FER: variants seen among roughly 807,000 people sequenced by gnomAD.
The protein encoded by FER is FER tyrosine kinase.
In FER, 63 loss-of-function variants were observed where a neutral mutation model predicts 111.0. The observed-to-expected ratio is 0.57, with a 90% CI of 0.46 to 0.70. The LOEUF (loss-of-function observed/expected upper bound fraction) is 0.70, where lower values mean the gene tolerates loss of function less well. FER is among the 30% of genes least tolerant of loss of function. The pLI, the probability that FER is intolerant of heterozygous loss-of-function variation, is 0.00. For synonymous variants in FER, 327 were observed against 313.9 expected, an observed-to-expected ratio of 1.04 and a Z score of -0.44; for missense variants, 914 against 954.0, an observed-to-expected ratio of 0.96 and a Z score of 0.55.
intron 17 of FER, among the ~76,000 whole-genome samples, chr5:109,154,539 GA>G (rs1339978968): frequency 6.6e-6 from 1 of 151,756 alleles, no homozygotes; most frequent in Admixed American, 6.6e-5. Context: ...AATACAGGAA[GA>G]AAAAACTCAC....
At chr5:108,933,186 GGT>G (rs1754943939) in intron 10 of FER, among the ~76,000 whole-genome samples, 1 of 152,010 alleles carries the variant, frequency 6.6e-6, no homozygotes, top group African/African-American at 2.4e-5. Context: ...TGTCCTGAAT[GGT>G]ATTGCCTAGG....
At position 108,925,703 on chromosome 5, in the gene FER, A is replaced by C. The variant is rs534031883; in HGVS notation, c.1237-20427A>C. On this transcript the variant is annotated intron_variant, in intron 10 of 19. Coordinates refer to ENST00000281092, the MANE Select transcript of FER (RefSeq NM_005246.4). ...TTTATTTTGAAGATAGTTGAAATAC[A>C]TACACGATTCTTGCTTTAATATTAC... Among the ~76,000 whole-genome samples the C allele has an allele frequency of 2.6e-5, 4 of 152,234 alleles. No homozygotes were observed. The Middle Eastern group carries it at 0.014, about 521-fold the overall frequency.
At chr5:109,010,652 C>A (rs1018345257) in intron 13 of FER, among the ~76,000 whole-genome samples, 1 of 152,092 alleles carries the variant, frequency 6.6e-6, no homozygotes, top group Non-Finnish European at 1.5e-5. Flanking sequence ...GGATTTATAT[C>A]TTGATCCCCG....
At chr5:108,931,050 T>G (rs1219972051) in intron 10 of FER, among the ~76,000 whole-genome samples, 1 of 152,198 alleles carries the variant, frequency 6.6e-6, no homozygotes, top group Non-Finnish European at 1.5e-5. Context: ...ATTATTATCT[T>G]TGGAAAAGTT....
chr5:109,012,018 C>A (rs1766339812), intron 13 of FER, among the ~76,000 whole-genome samples: 1 of 152,204 alleles, frequency 6.6e-6, no homozygotes. Context: ...GAGCCTACTT[C>A]TCTACTGTGC....
chr5:109,121,026 T>C (rs1010970403), intron 17 of FER, among the ~76,000 whole-genome samples: 10 of 151,998 alleles, frequency 6.6e-5, no homozygotes, highest in African/African-American at 2.4e-4. Flanking sequence ...AATATAAGAG[T>C]ATATCATCTT....
chr5:108,965,018 C>A (rs1379187892), intron 13 of FER, among the ~76,000 whole-genome samples: 1 of 151,806 alleles, frequency 6.6e-6, no homozygotes, highest in Non-Finnish European at 1.5e-5. Context: ...AATTAAATAT[C>A]AAATTGGATT....
intron 11 of FER, among the ~76,000 whole-genome samples, chr5:108,948,599 C>G (rs1220944304): frequency 6.6e-6 from 1 of 152,032 alleles, no homozygotes; most frequent in Non-Finnish European, 1.5e-5. Context: ...GTATTAATTA[C>G]ATATTTTAAA....
intron 17 of FER, among the ~76,000 whole-genome samples, chr5:109,129,926 A>G (rs1301239247): frequency 6.6e-6 from 1 of 152,034 alleles, no homozygotes; most frequent in Non-Finnish European, 1.5e-5. Flanking sequence ...ATGAGATCCT[A>G]CTTTTACTAT....
intron 17 of FER, among the ~76,000 whole-genome samples, chr5:109,105,230 TTG>T (rs72106747): frequency 0.33 from 45,667 of 137,944 alleles, 7,546 homozygotes; most frequent in East Asian, 0.52. Flanking sequence ...CAGCTTATAT[TTG>T]TGTGTGTGTG....
chr5:108,922,698 A>ATT (rs1753184667), intron 10 of FER, among the ~76,000 whole-genome samples: 11 of 152,238 alleles, frequency 7.2e-5, no homozygotes, highest in Admixed American at 7.2e-4. Context: ...ATATAAACTT[A>ATT]TTCTGGTATA....
intron 8 of FER, among the ~76,000 whole-genome samples, chr5:108,876,139 G>T (rs1328377942): frequency 6.6e-6 from 1 of 152,110 alleles, no homozygotes; most frequent in East Asian, 1.9e-4. Context: ...AGCCCATGAG[G>T]CAAATCCAGC....
chr5:109,003,848 C>T (rs765710094), intron 13 of FER, among the ~76,000 whole-genome samples: 10 of 151,936 alleles, frequency 6.6e-5, no homozygotes, highest in Non-Finnish European at 1.3e-4. Flanking sequence ...GGCATGGTGG[C>T]GCACACCTGT....
intron 17 of FER, among the ~76,000 whole-genome samples, chr5:109,169,140 G>A (rs1265959666): frequency 6.6e-6 from 1 of 152,088 alleles, no homozygotes; most frequent in African/African-American, 2.4e-5. Context: ...AATCATGGAA[G>A]GACATTGGGT....
chr5:109,072,120 G>T (rs1438051632), intron 16 of FER, among the ~76,000 whole-genome samples: 1 of 150,714 alleles, frequency 6.6e-6, no homozygotes, highest in Admixed American at 6.6e-5. Context: ...AAATAATTTG[G>T]ATATAACTAA....
intron 1 of FER, among the ~76,000 whole-genome samples, chr5:108,760,891 G>A (rs889565942): frequency 2.6e-5 from 4 of 151,764 alleles, no homozygotes; most frequent in Non-Finnish European, 4.4e-5. Flanking sequence ...TACAATGTGG[G>A]TGTTTGGTTC....
intron 14 of FER, among the ~76,000 whole-genome samples, chr5:109,041,861 G>T (rs1364139505): frequency 1.3e-5 from 2 of 152,124 alleles, no homozygotes; most frequent in African/African-American, 4.8e-5. Context: ...CCAGTGATAA[G>T]TAGGTAATAG....
At chr5:108,876,421 G>A (rs940980712) in intron 8 of FER, among the ~76,000 whole-genome samples, 17 of 152,148 alleles carry the variant, frequency 1.1e-4, no homozygotes, top group Admixed American at 7.9e-4. Flanking sequence ...CATCTGCTTG[G>A]CACTATACAA....
intron 13 of FER, among the ~76,000 whole-genome samples, chr5:109,013,475 A>G (rs1158570979): frequency 6.6e-6 from 1 of 151,240 alleles, no homozygotes; most frequent in East Asian, 1.9e-4. Flanking sequence ...AATCCAGTCT[A>G]TCATTGTTGG....
Sources: gnomAD v4.1 joint callset for allele counts (sites outside exome capture counted in the v4.1 genomes callset) on GRCh38, gnomAD v4.1.1 for gene constraint, MANE v1.5 for transcripts, NCBI Gene and HGNC (gene_info 2026-07-23, HGNC 2026-07-21) for gene names.